The following DLG2 variants were observed in gnomAD, a reference collection of about 807,000 sequenced individuals.
DLG2 encodes the protein discs large MAGUK scaffold protein 2.
Under a neutral mutation model 132.5 loss-of-function variants are expected in DLG2, and 45 were observed. The ratio of observed to expected loss-of-function variants is 0.34; its 90% CI spans 0.27 to 0.44. The LOEUF is 0.44. DLG2 is among the 20% of genes least tolerant of loss of function. The pLI, the probability that DLG2 is intolerant of heterozygous loss-of-function variation, is 1.00. For missense variants in DLG2, 1,045 were observed against 1,196.9 expected, an observed-to-expected ratio of 0.87 and a Z score of 1.87; for synonymous variants, 424 against 419.6, an observed-to-expected ratio of 1.01 and a Z score of -0.13.
chr11:83,553,056 G>A (rs889432427), intron 19 of DLG2, among the ~76,000 whole-genome samples: 6 of 152,094 alleles, frequency 3.9e-5, no homozygotes, highest in Non-Finnish European at 5.9e-5. Flanking sequence ...AGAGTTAGGT[G>A]AAGTCTTACT....
intron 6 of DLG2, among the ~76,000 whole-genome samples, chr11:84,593,049 A>G (rs2099547702): frequency 6.9e-6 from 1 of 145,716 alleles, no homozygotes; most frequent in Non-Finnish European, 1.5e-5. Context: ...AACCCAGGAG[A>G]TGGAGGTTGC....
chr11:85,428,886 C>T (rs185037334), intron 3 of DLG2, among the ~76,000 whole-genome samples: 1 of 151,922 alleles, frequency 6.6e-6, no homozygotes, highest in East Asian at 1.9e-4. Flanking sequence ...GCTAGCAAGA[C>T]TAATAAAGAA....
At chr11:84,606,937 T>C (rs1027395817) in intron 6 of DLG2, among the ~76,000 whole-genome samples, 2 of 152,156 alleles carry the variant, frequency 1.3e-5, no homozygotes, top group Non-Finnish European at 2.9e-5. Context: ...CTGAATTGTG[T>C]TTTATTTACT....
intron 14 of DLG2, among the ~76,000 whole-genome samples, chr11:83,934,283 A>T (rs1464899319): frequency 6.6e-6 from 1 of 152,216 alleles, no homozygotes; most frequent in Non-Finnish European, 1.5e-5. Flanking sequence ...AAGCCAACAG[A>T]CAAAACCTTG....
chr11:83,938,584 T>A (rs1365776140), intron 14 of DLG2, among the ~76,000 whole-genome samples: 1 of 152,268 alleles, frequency 6.6e-6, no homozygotes, highest in Non-Finnish European at 1.5e-5. Flanking sequence ...TTCTTCCTAC[T>A]AGTTGGAATT....
chr11:85,455,607 T>C (rs1300635632), intron 3 of DLG2, among the ~76,000 whole-genome samples: 1 of 152,154 alleles, frequency 6.6e-6, no homozygotes, highest in Non-Finnish European at 1.5e-5. Context: ...ATTCTGGTTA[T>C]CAAGGGGACC....
intron 18 of DLG2, among the ~76,000 whole-genome samples, chr11:83,715,709 C>G (rs1044664484): frequency 6.6e-6 from 1 of 152,196 alleles, no homozygotes; most frequent in Non-Finnish European, 1.5e-5. Context: ...TTCTCTGATT[C>G]AGGTCCTTCC....
intron 6 of DLG2, among the ~76,000 whole-genome samples, chr11:84,723,265 C>T (rs1469240249): frequency 1.3e-5 from 2 of 152,212 alleles, no homozygotes. Flanking sequence ...AAGCTGACCT[C>T]CTATTCTAGG....
intron 6 of DLG2, among the ~76,000 whole-genome samples, chr11:84,741,589 A>G (rs1017678210): frequency 2.0e-5 from 3 of 152,114 alleles, no homozygotes; most frequent in Non-Finnish European, 2.9e-5. Flanking sequence ...GAAACCACAT[A>G]AAGACTAAAC....
At chr11:85,051,000 G>A (rs1189468656) in intron 6 of DLG2, among the ~76,000 whole-genome samples, 1 of 152,082 alleles carries the variant, frequency 6.6e-6, no homozygotes, top group African/African-American at 2.4e-5. Context: ...ATGATTAAGC[G>A]AGACAGCCAA....
At chr11:84,931,740 T>C (rs1263803766) in intron 6 of DLG2, among the ~76,000 whole-genome samples, 2 of 152,246 alleles carry the variant, frequency 1.3e-5, no homozygotes, top group African/African-American at 2.4e-5. Context: ...CTAGCAATAG[T>C]GTATGTGTTC....
intron 18 of DLG2, among the ~76,000 whole-genome samples, chr11:83,757,832 C>T (rs922607129): frequency 6.6e-6 from 1 of 152,138 alleles, no homozygotes; most frequent in Admixed American, 6.6e-5. Flanking sequence ...CTCTTCATTT[C>T]CTACTTTTGT....
At chr11:83,911,085 C>A (rs910497708) in intron 15 of DLG2, among the ~76,000 whole-genome samples, 13 of 151,900 alleles carry the variant, frequency 8.6e-5, no homozygotes, top group Non-Finnish European at 4.4e-5. Flanking sequence ...GGTAGAAGTG[C>A]TCAAGAAAAA....
chr11:84,436,514 T>A (rs188335890), intron 7 of DLG2, among the ~76,000 whole-genome samples: 1 of 152,314 alleles, frequency 6.6e-6, no homozygotes, highest in East Asian at 1.9e-4. Context: ...CAGAGGAATA[T>A]GAAAAATCTG....
intron 9 of DLG2, among the ~76,000 whole-genome samples, chr11:84,158,247 T>C (rs1297016830): frequency 2.0e-5 from 3 of 152,040 alleles, no homozygotes; most frequent in African/African-American, 7.2e-5. Flanking sequence ...GTATTTTTAG[T>C]AGAGATGGGG....
chr11:85,068,599 G>A (rs1290613388), intron 6 of DLG2, among the ~76,000 whole-genome samples: 2 of 152,016 alleles, frequency 1.3e-5, no homozygotes, highest in African/African-American at 4.8e-5. Flanking sequence ...TACAAGGGAC[G>A]TGAAGGACCT....
At chr11:84,538,036 T>C (rs1018126299) in intron 6 of DLG2, among the ~76,000 whole-genome samples, 1 of 152,216 alleles carries the variant, frequency 6.6e-6, no homozygotes, top group African/African-American at 2.4e-5. Context: ...GCTAAGAATA[T>C]GAACTGAAAA....
At chr11:84,549,987 C>G (rs2099398525) in intron 6 of DLG2, among the ~76,000 whole-genome samples, 1 of 152,004 alleles carries the variant, frequency 6.6e-6, no homozygotes, top group African/African-American at 2.4e-5. Flanking sequence ...AACTCCTGGC[C>G]TCAAGTGATC....
chr11:84,617,232 G>GT (rs1188966512), intron 6 of DLG2, among the ~76,000 whole-genome samples: 7 of 151,712 alleles, frequency 4.6e-5, no homozygotes, highest in Admixed American at 2.6e-4. Flanking sequence ...AGGACATGCA[G>GT]TATTTGGTTT....
Sources: gnomAD v4.1 joint callset for allele counts (sites outside exome capture counted in the v4.1 genomes callset) on GRCh38, gnomAD v4.1.1 for gene constraint, MANE v1.5 for transcripts, NCBI Gene and HGNC (gene_info 2026-07-23, HGNC 2026-07-21) for gene names.